USP32: variants seen among roughly 807,000 people sequenced by gnomAD.
USP32 encodes ubiquitin specific peptidase 32.
USP32 carries 59 observed loss-of-function variants against 204.8 expected under a neutral mutation model. That is an observed-to-expected ratio of 0.29 (90% CI 0.23 to 0.36). The LOEUF (loss-of-function observed/expected upper bound fraction) is 0.36, where lower values mean the gene tolerates loss of function less well. Ranked by LOEUF, USP32 falls within the 10% of genes least tolerant of loss-of-function variation. The pLI is 1.00. For missense variants in USP32, 1,160 were observed against 1,946.4 expected (o/e 0.60, Z 7.60); for synonymous variants, 517 against 678.4 (o/e 0.76, Z 3.70).
At chr17:60,381,637 T>A (rs59060530) in intron 1 of USP32, among the ~76,000 whole-genome samples, 1 of 152,108 alleles carries the variant, frequency 6.6e-6, no homozygotes, top group Non-Finnish European at 1.5e-5. Context: ...GCCCTAGTAG[T>A]TTCTATGATT....
chr17:60,359,176 C>A (rs570172373), intron 1 of USP32, among the ~76,000 whole-genome samples: 4 of 152,286 alleles, frequency 2.6e-5, no homozygotes, highest in Non-Finnish European at 5.9e-5. Flanking sequence ...GCCCCACCAC[C>A]TAAAATGTTA....
chr17:60,278,404 C>CAT (rs1470926840), intron 5 of USP32, among the ~76,000 whole-genome samples: 20 of 151,790 alleles, frequency 1.3e-4, no homozygotes, highest in Non-Finnish European at 2.8e-4. Context: ...GGAGCACATA[C>CAT]ATGGGTAGGC....
Position 60,255,251 on chromosome 17 carries a change from T to G in USP32, c.998A>C (p.His333Pro). 6.2e-7 allele frequency: 1 copy of G among 1,606,210 alleles called. No individual in the cohort carries two copies. The highest frequency in any genetic ancestry group is 8.5e-7 in the Non-Finnish European group (1 of 1,177,690). ...LNAHDTTKMG[H>P]LTLEDYQIWS... is the part of the protein sequence containing the mutation. ...GATCTGATAGTCTTCCAGAGTAAGA[T>G]GACCCATCTGAAACAGAGACACTCA... Residue 333 changes from histidine to proline, a missense_variant, in exon 10 of 34, where the codon CAT (histidine) becomes CCT (proline). Physicochemically the swap from His to Pro is moderately conservative, Grantham distance 77. This residue lies in a region of USP32 where 536 missense variants were observed against 680.9 expected (regional missense o/e 0.79). Transcript: ENST00000300896.
intron 27 of USP32, among the ~76,000 whole-genome samples, chr17:60,196,537 T>C (rs151266227): frequency 0.015 from 2,248 of 152,262 alleles, 28 homozygotes; most frequent in Non-Finnish European, 0.024. Context: ...TTAAATAACT[T>C]ATTTTGGCCG....
chr17:60,198,496 C>T (rs371967092), intron 26 of USP32, 52 bp from the exon 27 acceptor site: 89 of 1,598,928 alleles, frequency 5.6e-5, no homozygotes, highest in Non-Finnish European at 7.0e-5. Flanking sequence ...CCTCTGATTC[C>T]TCCCTTTAGT....
At chr17:60,255,023 C>G in intron 10 of USP32, 152 bp downstream of exon 10, 2 of 544,444 alleles carry the variant, frequency 3.7e-6, no homozygotes, top group South Asian at 5.8e-5. Context: ...AGCAAGCACC[C>G]ATCTTTCAGA....
In USP32 at chr17:60,349,603, ATATATATATATATATATATATT is replaced by A. The variant is rs1170718840; in HGVS notation, c.59-4017_59-3996del. Among the ~76,000 whole-genome samples, 84 of 64,080 alleles carry A rather than the reference ATATATATATATATATATATATT, an allele frequency of 1.3e-3. 2 individuals are homozygous for A. In the East Asian group the frequency reaches 0.015, roughly 12 times the overall value. The allele number at this position is 64,080 out of a possible 152,430, so 42.0% of individuals were successfully genotyped here. A position where few individuals can be genotyped will look rare whatever the true frequency, so the allele number is the denominator to read the frequency against. ...GAAAAAAAAAAAAAAAAAAATATAT[ATATATATATATATATATATATT>A]ATATATATATATATATATTATATAT... On this transcript the variant is annotated intron_variant, in intron 1 of 33. Transcript: ENST00000300896.
chr17:60,419,047 A>T (rs2143125102), intron 1 of USP32, among the ~76,000 whole-genome samples: 1 of 152,356 alleles, frequency 6.6e-6, no homozygotes, highest in Admixed American at 6.5e-5. Flanking sequence ...TCATTCTACC[A>T]TAAAGACACA....
intron 1 of USP32, among the ~76,000 whole-genome samples, chr17:60,384,833 C>A (rs1049960981): frequency 1.3e-5 from 2 of 151,732 alleles, no homozygotes; most frequent in Non-Finnish European, 2.9e-5. Flanking sequence ...CCTGGCTGGG[C>A]GTGGTGGCTC....
At chr17:60,182,646 C>G (rs542088161) in intron 31 of USP32, among the ~76,000 whole-genome samples, 1 of 151,944 alleles carries the variant, frequency 6.6e-6, no homozygotes, top group Non-Finnish European at 1.5e-5. Context: ...GCCTGTAGTC[C>G]CAGCTACTCA....
intron 31 of USP32, among the ~76,000 whole-genome samples, chr17:60,181,979 T>C (rs1320352701): frequency 6.6e-6 from 1 of 152,238 alleles, no homozygotes; most frequent in Non-Finnish European, 1.5e-5. Context: ...AAGTACATTA[T>C]AGGGACTCAG....
intron 3 of USP32, 51 bp from the exon 4 acceptor site, chr17:60,294,852 C>T (rs375012516): frequency 3.4e-5 from 42 of 1,237,428 alleles, no homozygotes; most frequent in South Asian, 3.4e-4. Flanking sequence ...ACCAAATATA[C>T]GTTGGTGGAA....
intron 1 of USP32, among the ~76,000 whole-genome samples, chr17:60,380,758 C>A (rs1363633639): frequency 6.6e-6 from 1 of 152,130 alleles, no homozygotes; most frequent in African/African-American, 2.4e-5. Flanking sequence ...CCTATTCATA[C>A]CCACTACTCA....
Position 60,271,408 on chromosome 17 carries a change from A to G in USP32, c.645T>C (p.Phe215=). 1.9e-6 allele frequency: 3 copies of G among 1,614,146 alleles called. No individual in the cohort carries two copies. The South Asian group carries it at 3.3e-5, about 18-fold the overall frequency. ...LLKAQSRTGR[F]DLETFGPLVS... ...CCAATGGGCCAAATGTCTCTAAATC[A>G]AATCGTCCAGTCCGGGATTGAGCCT... Residue 215 remains phenylalanine, a synonymous_variant, in exon 6 of 34, where the codon TTT becomes TTC. Coordinates refer to ENST00000300896, the MANE Select transcript of USP32 (RefSeq NM_032582.4).
chr17:60,299,899 C>T (rs1567838189), intron 3 of USP32, among the ~76,000 whole-genome samples: 1 of 152,136 alleles, frequency 6.6e-6, no homozygotes. Flanking sequence ...TATCCTCACA[C>T]AGGGGAAAAT....
intron 4 of USP32, among the ~76,000 whole-genome samples, chr17:60,293,714 T>C (rs2087345876): frequency 6.6e-6 from 1 of 152,106 alleles, no homozygotes; most frequent in Non-Finnish European, 1.5e-5. Flanking sequence ...ACCAGATACA[T>C]GCAAAGGCTG....
chr17:60,215,538 C>A, intron 16 of USP32, among the ~76,000 whole-genome samples: 1 of 151,468 alleles, frequency 6.6e-6, no homozygotes, highest in Non-Finnish European at 1.5e-5. Context: ...GATTTGAATC[C>A]CACAGATAGA....
intron 24 of USP32, 99 bp downstream of exon 24, chr17:60,207,960 C>T (rs1356806867): frequency 3.7e-5 from 53 of 1,421,382 alleles, no homozygotes; most frequent in Non-Finnish European, 4.8e-5. Context: ...GTTTTAGTAT[C>T]TCTCTTGGTC....
chr17:60,300,380 G>T lies in USP32; in HGVS notation c.292+1219C>A, dbSNP rs376885618. Among the ~76,000 whole-genome samples, 204 of 151,994 alleles carry T rather than the reference G, an allele frequency of 1.3e-3. 1 individual carries two copies. Among genetic ancestry groups the T allele is most frequent in the African/African-American group, 4.5e-3 (188 of 41,340 alleles). ...AAATCTATATCCCACGAAACAGACG[G>T]ACACTAAGCAACTAAGATTATCTTC... On this transcript the variant is annotated intron_variant, in intron 3 of 33. Coordinates refer to ENST00000300896, the MANE Select transcript of USP32 (RefSeq NM_032582.4).
Sources: allele counts gnomAD v4.1 joint callset (sites outside exome capture counted in the v4.1 genomes callset), GRCh38; gene constraint gnomAD v4.1.1; regional missense constraint gnomAD v4.1.1; transcripts MANE v1.5; gene names NCBI Gene and HGNC (gene_info 2026-07-23, HGNC 2026-07-21).